ADAMTS3: variants seen among roughly 807,000 people sequenced by gnomAD.
ADAMTS3 encodes the protein ADAM metallopeptidase with thrombospondin type 1 motif 3.
A neutral mutation model predicts 129.0 loss-of-function variants in ADAMTS3; 73 were observed. That is an observed-to-expected ratio of 0.57 (90% confidence interval 0.47 to 0.69). The LOEUF is 0.69. Among genes scored for constraint, ADAMTS3 ranks in the 30% least tolerant of loss-of-function variants. The pLI is 0.00. For missense variants in ADAMTS3, 1,457 were observed against 1,514.5 expected, an observed-to-expected ratio of 0.96 and a Z score of 0.63; for synonymous variants, 477 against 510.8, an observed-to-expected ratio of 0.93 and a Z score of 0.89.
chr4:72,286,814 T>C (rs1196207106), intron 21 of ADAMTS3, among the ~76,000 whole-genome samples: 2 of 150,900 alleles, frequency 1.3e-5, no homozygotes, highest in Non-Finnish European at 2.9e-5. Flanking sequence ...AACAAACAGA[T>C]GGGGGTGGCG....
intron 4 of ADAMTS3, among the ~76,000 whole-genome samples, chr4:72,349,066 T>C (rs1720361662): frequency 6.6e-6 from 1 of 152,002 alleles, no homozygotes; most frequent in Non-Finnish European, 1.5e-5. Context: ...GGGTGATTTA[T>C]TACACAGTAA....
rs147405491 is a variant in ADAMTS3 at position 72,529,601 on chromosome 4, T to C, written c.504+18877A>G. On this transcript the variant is annotated intron_variant, in intron 3 of 21. Transcript: ENST00000286657. ...CACATATATCAAGATGCTGTACAGG[T>C]TTGCAGCCTGGCAGCAATAATATAT... Among the ~76,000 whole-genome samples the C allele has an allele frequency of 3.1e-3, 435 of 141,340 alleles. 2 individuals carry two copies. Among genetic ancestry groups the C allele is most frequent in the Non-Finnish European group, 4.5e-3 (302 of 66,448 alleles). 92.7% of individuals were successfully genotyped at this position (141,340 alleles called of 152,430 possible).
At chr4:72,492,210 T>C (rs1578730689) in intron 3 of ADAMTS3, among the ~76,000 whole-genome samples, 1 of 151,862 alleles carries the variant, frequency 6.6e-6, no homozygotes, top group East Asian at 1.9e-4. Context: ...GAAAAACAAC[T>C]TTCAGCTTTG....
rs748402366 is a variant in ADAMTS3 at position 72,339,690 on chromosome 4, G to A, written c.665C>T (p.Ser222Leu). 4.3e-5 allele frequency: 69 copies of A among 1,613,298 alleles called. 1 individual carries two copies. The highest frequency in any genetic ancestry group is 4.0e-4 in the Admixed American group (24 of 59,940). The change falls in exon 5 of 22, where the codon TCG becomes TTG. Residue 222 changes from serine to leucine, a missense_variant. Physicochemically the swap from Ser to Leu is moderately radical, Grantham distance 145. Coordinates refer to ENST00000286657, the MANE Select transcript of ADAMTS3 (RefSeq NM_014243.3). The stretch of plus-strand genomic sequence containing the variant: ...TAGATCATCAAGGCCTTCCAGGTCC[G>A]ACTCTAATAAGAGACAAAAGGAACC... ...DMSKDFHYRE[S>L]DLEGLDDLGT...
chr4:72,552,022 G>A (rs1442651482), intron 2 of ADAMTS3, among the ~76,000 whole-genome samples: 2 of 152,140 alleles, frequency 1.3e-5, no homozygotes, highest in Non-Finnish European at 2.9e-5. Flanking sequence ...ACTGGAAGGA[G>A]GGGCAGAAGC....
At chr4:72,548,265 T>C (rs1284660203) in intron 3 of ADAMTS3, among the ~76,000 whole-genome samples, 2 of 152,056 alleles carry the variant, frequency 1.3e-5, no homozygotes, top group Non-Finnish European at 2.9e-5. Context: ...TGGAATAATG[T>C]CGTCTTCGCA....
At chr4:72,468,713 A>G (rs1718985346) in intron 3 of ADAMTS3, among the ~76,000 whole-genome samples, 2 of 151,962 alleles carry the variant, frequency 1.3e-5, no homozygotes, top group Non-Finnish European at 1.5e-5. Context: ...ACATCACAAC[A>G]AAGTTAAATT....
intron 4 of ADAMTS3, among the ~76,000 whole-genome samples, chr4:72,345,939 T>TA (rs1720269861): frequency 6.6e-6 from 1 of 152,112 alleles, no homozygotes; most frequent in East Asian, 1.9e-4. Flanking sequence ...CAAGAAAACT[T>TA]AGTGTCTTCA....
chr4:72,526,771 T>C (rs185644025), intron 3 of ADAMTS3, among the ~76,000 whole-genome samples: 2,722 of 84,700 alleles, frequency 0.032, 61 homozygotes, highest in Middle Eastern at 0.089. Context: ...TATATATATA[T>C]ATATATAGAC....
chr4:72,373,487 A>C (rs1560491433), intron 4 of ADAMTS3, among the ~76,000 whole-genome samples: 4 of 152,226 alleles, frequency 2.6e-5, no homozygotes, highest in African/African-American at 9.6e-5. Context: ...CACAGGAATA[A>C]ATTTTACAAA....
intron 2 of ADAMTS3, among the ~76,000 whole-genome samples, chr4:72,552,644 A>T (rs72854311): frequency 0.017 from 2,548 of 152,316 alleles, 72 homozygotes; most frequent in African/African-American, 0.058. Context: ...CACTCAAAGT[A>T]AAATGGCTCA....
At chr4:72,508,246 T>A (rs1263945259) in intron 3 of ADAMTS3, among the ~76,000 whole-genome samples, 1 of 152,190 alleles carries the variant, frequency 6.6e-6, no homozygotes, top group African/African-American at 2.4e-5. Flanking sequence ...GTTACATTTG[T>A]CTCAGTACCT....
In ADAMTS3 at chr4:72,568,894, T is replaced by C. The variant is rs1722092870; in HGVS notation, c.-132A>G. On this transcript the variant is annotated 5_prime_UTR_variant, in exon 1 of 22. Transcript: ENST00000286657. ...AAATGCGAAATAGAAAAAAATGATC[T>C]TCTGTGCTTTGCTTCAATGAAAATG... 5.9e-6 allele frequency: 4 copies of C among 679,952 alleles called. No homozygotes were observed. The highest frequency in any genetic ancestry group is 1.0e-5 in the Non-Finnish European group (4 of 397,920). The allele number at this position is 679,952 out of a possible 1,614,324, so 42.1% of individuals were successfully genotyped here.
intron 3 of ADAMTS3, among the ~76,000 whole-genome samples, chr4:72,423,650 T>C (rs190349666): frequency 4.6e-5 from 7 of 152,218 alleles, no homozygotes; most frequent in Admixed American, 3.3e-4. Context: ...TTGGTTTTAC[T>C]ATATGCAGAT....
intron 15 of ADAMTS3, among the ~76,000 whole-genome samples, chr4:72,308,527 G>A (rs1335131211): frequency 1.3e-5 from 2 of 151,852 alleles, no homozygotes; most frequent in African/African-American, 2.4e-5. Context: ...CTCTTTGGAA[G>A]ACATCAAAAT....
chr4:72,569,138 G>GCGCGGAGAATGCTTGGGTTC lies in ADAMTS3; in HGVS notation c.-396_-377dup, dbSNP rs1722099067. Reference sequence around the variant, plus strand: ...CGAGCACCATTGGTCCCTAAGGTTAGCGCGGAGAATGCTTGGGTTCCCCGG... The same window carrying GCGCGGAGAATGCTTGGGTTC: ...CGAGCACCATTGGTCCCTAAGGTTAGCGCGGAGAATGCTTGGGTTCCGCGGAGAATGCTTGGGTTCCCCGG... On this transcript the variant is annotated 5_prime_UTR_variant, in exon 1 of 22. Coordinates refer to ENST00000286657, the MANE Select transcript of ADAMTS3 (RefSeq NM_014243.3). 4.3e-6 allele frequency: 1 copy of GCGCGGAGAATGCTTGGGTTC among 229,998 alleles called. No individual in the cohort carries two copies. Among genetic ancestry groups the GCGCGGAGAATGCTTGGGTTC allele is most frequent in the Admixed American group, 5.2e-5 (1 of 19,204 alleles). The allele number at this position is 229,998 out of a possible 1,614,324, so 14.2% of individuals were successfully genotyped here. A position where few individuals can be genotyped will look rare whatever the true frequency, so the allele number is the denominator to read the frequency against.
At position 72,318,597 on chromosome 4, in the gene ADAMTS3, C is replaced by G; in HGVS notation, c.1460G>C (p.Gly487Ala). ...SMDEQCRFDF[G>A]VGYKMCTAFR... ...CGCGGTGCACATTTTATAGCCAACACCAAAATCAAAACGACATTGCTCATC... is the reference window on the plus strand; with the variant it reads ...CGCGGTGCACATTTTATAGCCAACAGCAAAATCAAAACGACATTGCTCATC... The change falls in exon 10 of 22, where the codon GGT (glycine) becomes GCT (alanine). Residue 487 changes from glycine (G) to alanine (A), a missense_variant. Gly to Ala is a moderately conservative substitution (Grantham distance 60). Coordinates refer to ENST00000286657, the MANE Select transcript of ADAMTS3 (RefSeq NM_014243.3). 6.2e-7 allele frequency: 1 copy of G among 1,613,626 alleles called. No homozygotes were observed.
intron 4 of ADAMTS3, among the ~76,000 whole-genome samples, chr4:72,377,685 T>C (rs1172994012): frequency 1.3e-5 from 2 of 152,194 alleles, no homozygotes; most frequent in Non-Finnish European, 2.9e-5. Context: ...TCTGCCACCT[T>C]GGGCTGCTTA....
At chr4:72,323,151 G>T in intron 5 of ADAMTS3, 54 bp from the exon 6 acceptor site, 1 of 1,381,628 alleles carries the variant, frequency 7.2e-7, no homozygotes, top group Non-Finnish European at 1.0e-6. Flanking sequence ...AGGATTTCAT[G>T]AGATGTACAT....
Sources: allele counts gnomAD v4.1 joint callset (sites outside exome capture counted in the v4.1 genomes callset), GRCh38; gene constraint gnomAD v4.1.1; transcripts MANE v1.5; gene names NCBI Gene and HGNC (gene_info 2026-07-23, HGNC 2026-07-21).